MPPED2: variants seen among roughly 807,000 people sequenced by gnomAD.
The protein encoded by MPPED2 is metallophosphoesterase MPPED2.
A neutral mutation model predicts 33.0 loss-of-function variants in MPPED2; 5 were observed. The ratio of observed to expected loss-of-function variants is 0.15; its 90% CI spans 0.08 to 0.32. MPPED2 has a LOEUF of 0.32. Ranked by LOEUF, MPPED2 falls within the 10% of genes least tolerant of loss-of-function variation. MPPED2 has a pLI of 1.00. For missense variants in MPPED2, 275 were observed against 372.1 expected (o/e 0.74, Z 2.15); for synonymous variants, 136 against 141.9 (o/e 0.96, Z 0.29).
chr11:30,572,088 C>T (rs1002725949), intron 2 of MPPED2, among the ~76,000 whole-genome samples: 2 of 151,992 alleles, frequency 1.3e-5, no homozygotes, highest in African/African-American at 4.8e-5. Flanking sequence ...CGTTCTTTAT[C>T]CCTACAAATG....
intron 4 of MPPED2, among the ~76,000 whole-genome samples, chr11:30,468,229 T>C (rs11031104): frequency 0.2 from 29,892 of 147,306 alleles, 4,505 homozygotes; most frequent in African/African-American, 0.43. Context: ...TGGCATACTA[T>C]ACACACACAC....
chr11:30,386,428 G>C, exon 7 of MPPED2: 1 of 247,664 alleles, frequency 4.0e-6, no homozygotes, highest in Non-Finnish European at 7.7e-6. Context: ...TTCCAGTCTT[G>C]GCTCAAGGTA....
At chr11:30,583,278 GATGTAT>G (rs1957278775) in intron 1 of MPPED2, among the ~76,000 whole-genome samples, 1 of 150,834 alleles carries the variant, frequency 6.6e-6, no homozygotes. Context: ...CTATCAAGAA[GATGTAT>G]ATTTAGGCAG....
intron 4 of MPPED2, among the ~76,000 whole-genome samples, chr11:30,456,710 C>T (rs755156493): frequency 2.0e-5 from 3 of 152,172 alleles, no homozygotes; most frequent in Non-Finnish European, 2.9e-5. Flanking sequence ...CTAGCACTCA[C>T]TTTCTGTTTT....
intron 2 of MPPED2, among the ~76,000 whole-genome samples, chr11:30,550,605 G>A (rs1201394245): frequency 7.9e-5 from 12 of 152,156 alleles, no homozygotes; most frequent in Admixed American, 4.6e-4. Flanking sequence ...ATGTTTCCAC[G>A]GCTTGCACGG....
intron 3 of MPPED2, among the ~76,000 whole-genome samples, chr11:30,511,529 G>T (rs990050684): frequency 6.6e-6 from 1 of 152,048 alleles, no homozygotes; most frequent in Non-Finnish European, 1.5e-5. Context: ...CTTTTTCAAC[G>T]AACAGTAAAG....
At chr11:30,400,959 A>G (rs1947901060) in intron 6 of MPPED2, among the ~76,000 whole-genome samples, 1 of 151,470 alleles carries the variant, frequency 6.6e-6, no homozygotes, top group Non-Finnish European at 1.5e-5. Context: ...AGTAGAGACA[A>G]GGTCTTGCCA....
At chr11:30,548,191 C>T (rs1955526271) in intron 2 of MPPED2, among the ~76,000 whole-genome samples, 1 of 148,990 alleles carries the variant, frequency 6.7e-6, no homozygotes, top group African/African-American at 2.5e-5. Flanking sequence ...ATAAGATTGA[C>T]TATCAACACA....
intron 2 of MPPED2, among the ~76,000 whole-genome samples, chr11:30,573,156 T>C (rs1011676757): frequency 6.6e-6 from 1 of 152,170 alleles, no homozygotes; most frequent in Non-Finnish European, 1.5e-5. Flanking sequence ...ACAGACCACA[T>C]ATATGAAGGT....
intron 2 of MPPED2, among the ~76,000 whole-genome samples, chr11:30,541,742 G>A (rs548438241): frequency 3.3e-5 from 5 of 152,116 alleles, no homozygotes; most frequent in African/African-American, 9.6e-5. Flanking sequence ...ACAGGCATGC[G>A]CCACCACGCC....
chr11:30,553,389 C>G (rs763570435), intron 2 of MPPED2, among the ~76,000 whole-genome samples: 1 of 152,124 alleles, frequency 6.6e-6, no homozygotes, highest in African/African-American at 2.4e-5. Context: ...CATGTATGAC[C>G]ATCATCTAAA....
At chr11:30,427,045 G>C (rs1261615490) in intron 4 of MPPED2, among the ~76,000 whole-genome samples, 2 of 152,150 alleles carry the variant, frequency 1.3e-5, no homozygotes, top group African/African-American at 2.4e-5. Context: ...AGACTGCCAA[G>C]TACTCAGGAA....
chr11:30,417,445 C>A, intron 5 of MPPED2, 73 bp downstream of exon 5: 1 of 719,754 alleles, frequency 1.4e-6, no homozygotes, highest in South Asian at 1.9e-5. Context: ...ATGATTATGT[C>A]CCTGAAGCAT....
At chr11:30,522,387 TACACACAC>T (rs60549510) in intron 3 of MPPED2, among the ~76,000 whole-genome samples, 65 of 146,364 alleles carry the variant, frequency 4.4e-4, no homozygotes, top group Non-Finnish European at 6.3e-4. Flanking sequence ...CAGGAAAACA[TACACACAC>T]ACACACACAC....
At chr11:30,513,860 C>G (rs1953367283) in intron 3 of MPPED2, among the ~76,000 whole-genome samples, 1 of 149,218 alleles carries the variant, frequency 6.7e-6, no homozygotes, top group Admixed American at 6.6e-5. Context: ...GATATTGAAA[C>G]AAGGAAACAA....
At chr11:30,451,540 G>T (rs1344821371) in intron 4 of MPPED2, 1 of 253,520 alleles carries the variant, frequency 3.9e-6, no homozygotes, top group Non-Finnish European at 6.2e-6. Flanking sequence ...TGCTAATAAG[G>T]AATCTTTAGG....
chr11:30,506,010 T>A (rs1351175383), intron 3 of MPPED2, among the ~76,000 whole-genome samples: 1 of 152,048 alleles, frequency 6.6e-6, no homozygotes, highest in African/African-American at 2.4e-5. Context: ...ACCTGCCACA[T>A]AAAGGATGAT....
Position 30,400,218 on chromosome 11 carries a change from C to T in MPPED2, c.767-11262G>A, listed in dbSNP as rs139609916. On this transcript the variant is annotated intron_variant, in intron 6 of 6. Transcript: ENST00000448418. Reference sequence around the variant, plus strand: ...TCCTGAGTAGCTAGGACTACAGGTTCCTGTCACCACATCCAGCTAATAAAA... The same window carrying T: ...TCCTGAGTAGCTAGGACTACAGGTTTCTGTCACCACATCCAGCTAATAAAA... Among the ~76,000 whole-genome samples, 798 of 152,208 alleles carry T rather than the reference C, an allele frequency of 5.2e-3. 20 individuals are homozygous for T. Among genetic ancestry groups the T allele is most frequent in the Admixed American group, 0.042 (637 of 15,272 alleles).
intron 4 of MPPED2, among the ~76,000 whole-genome samples, chr11:30,488,195 G>A (rs896250883): frequency 6.6e-6 from 1 of 152,194 alleles, no homozygotes; most frequent in Non-Finnish European, 1.5e-5. Context: ...GCTGGCTATT[G>A]TTAATTATTA....
Sources: allele counts gnomAD v4.1 joint callset (sites outside exome capture counted in the v4.1 genomes callset), GRCh38; gene constraint gnomAD v4.1.1; transcripts MANE v1.5; gene names NCBI Gene and HGNC (gene_info 2026-07-23, HGNC 2026-07-21).